Variants in GSAP observed in about 807,000 individuals in gnomAD.
The protein encoded by GSAP is gamma-secretase activating protein, also known as gamma-secretase-activating protein.
A neutral mutation model predicts 131.7 loss-of-function variants in GSAP; 118 were observed. The observed-to-expected ratio is 0.90, with a 90% confidence interval of 0.77 to 1.04. GSAP has a LOEUF of 1.04. Among genes scored for constraint, GSAP ranks in the 50% least tolerant of loss-of-function variants. GSAP has a pLI of 0.00. For missense variants in GSAP, 1,019 were observed against 1,013.2 expected (o/e 1.01, Z -0.08); for synonymous variants, 381 against 363.4 (o/e 1.05, Z -0.55).
intron 5 of GSAP, among the ~76,000 whole-genome samples, chr7:77,391,492 TCA>T (rs1350310307): frequency 6.6e-6 from 1 of 152,110 alleles, no homozygotes. Context: ...TCACAGCAAA[TCA>T]CCAAGCTTTC....
rs767681069 is a variant in GSAP, at chr7:77,321,397, G to A, written c.1930C>T (p.Leu644Phe). The stretch of plus-strand genomic sequence containing the variant: ...TTGGTTTCTACGATGTGGCAAATGA[G>A]ATCCAGCTGGAGGGTGAAGACAGTC... ...VLDYISKLLD[L>F]ICHIVETNWR... Residue 644 changes from leucine to phenylalanine, a missense_variant, in exon 25 of 31, where the codon CTC (leucine) becomes TTC (phenylalanine). By Grantham distance (22) the Leu-to-Phe change is conservative (BLOSUM62 0). Transcript: ENST00000257626. The A allele has an allele frequency of 6.2e-7, 1 of 1,600,322 alleles. No homozygotes were observed. The highest frequency in any genetic ancestry group is 2.2e-5 in the East Asian group (1 of 44,790).
intron 25 of GSAP, 61 bp downstream of exon 25, chr7:77,321,272 C>A: frequency 9.6e-7 from 1 of 1,040,206 alleles, no homozygotes; most frequent in Non-Finnish European, 1.5e-6. Context: ...AAGGGTTTTG[C>A]TACAACAGAG....
chr7:77,328,281 C>T (rs909891462), intron 22 of GSAP: 2 of 1,094,430 alleles, frequency 1.8e-6, no homozygotes, highest in Non-Finnish European at 2.2e-6. Flanking sequence ...GCAAGCAGCA[C>T]CAAGCCAAGG....
chr7:77,409,251 G>A (rs1362069401), intron 1 of GSAP, among the ~76,000 whole-genome samples: 2 of 152,150 alleles, frequency 1.3e-5, no homozygotes, highest in African/African-American at 2.4e-5. Flanking sequence ...GGAGGCCAAG[G>A]TGGGAGGATG....
intron 24 of GSAP, among the ~76,000 whole-genome samples, 188 bp from the exon 25 acceptor site, chr7:77,321,591 C>T (rs1787652670): frequency 6.6e-6 from 1 of 152,158 alleles, no homozygotes; most frequent in African/African-American, 2.4e-5. Context: ...TGAAAATGTG[C>T]ACCAGAAACT....
At chr7:77,391,125 CAA>C (rs3083869) in intron 5 of GSAP, among the ~76,000 whole-genome samples, 6,506 of 65,142 alleles carry the variant, frequency 0.1, 214 homozygotes, top group Non-Finnish European at 0.13. Flanking sequence ...GGCTCCGTCT[CAA>C]AAAAAAAAAA....
At chr7:77,328,153 C>T in intron 22 of GSAP, 1 of 942,088 alleles carries the variant, frequency 1.1e-6, no homozygotes, top group Non-Finnish European at 1.3e-6. Flanking sequence ...TCCCCCAGAA[C>T]CACACTGCTT....
At chr7:77,376,156 T>C (rs1451891948) in intron 10 of GSAP, among the ~76,000 whole-genome samples, 1 of 152,172 alleles carries the variant, frequency 6.6e-6, no homozygotes, top group East Asian at 1.9e-4. Flanking sequence ...CTTAAAGCTA[T>C]CTCTTACAGA....
intron 19 of GSAP, among the ~76,000 whole-genome samples, chr7:77,336,481 CTTTTTT>C (rs140795283): frequency 6.0e-5 from 9 of 151,260 alleles, no homozygotes; most frequent in African/African-American, 1.9e-4. Context: ...GCCTCAAGCT[CTTTTTT>C]TTTGTTTTTG....
In GSAP at chr7:77,416,191, C is replaced by G. The variant is rs1475322400; in HGVS notation, c.109+22G>C. The G allele has an allele frequency of 6.3e-6, 8 of 1,268,186 alleles. No individual in the cohort carries two copies. The African/African-American group carries it at 9.3e-5, about 15-fold the overall frequency. The allele number at this position is 1,268,186 out of a possible 1,614,324, so 78.6% of individuals were successfully genotyped here. A position where few individuals can be genotyped will look rare whatever the true frequency, so the allele number is the denominator to read the frequency against. ...ACTCCCACTCCCCGCCCCCACCCCT[C>G]TCCGCAGCGCGCCTCCCGCACCTGC... On this transcript the variant is annotated intron_variant, in intron 1 of 30. Transcript: ENST00000257626.
chr7:77,397,432 A>T lies in GSAP; in HGVS notation c.244-17T>A, dbSNP rs758244707. The stretch of plus-strand genomic sequence containing the variant: ...ATATAGAAGCTATTAAAACAAAAAT[A>T]TTTTTTAATTTGAAGTTTCATACAT... On this transcript the variant is annotated splice_polypyrimidine_tract_variant and intron_variant, in intron 3 of 30. Coordinates refer to ENST00000257626, the MANE Select transcript of GSAP (RefSeq NM_017439.4). 1 of 1,378,120 alleles carries T rather than the reference A, an allele frequency of 7.3e-7. No individual in the cohort carries two copies. Among genetic ancestry groups the T allele is most frequent in the Non-Finnish European group, 1.0e-6 (1 of 976,838 alleles). The allele number at this position is 1,378,120 out of a possible 1,614,324, so 85.4% of individuals were successfully genotyped here.
chr7:77,402,787 T>C (rs1801607376), intron 3 of GSAP, among the ~76,000 whole-genome samples: 2 of 151,766 alleles, frequency 1.3e-5, no homozygotes, highest in African/African-American at 2.4e-5. Context: ...GAAGAAAAAT[T>C]TGCCTGTTTA....
At chr7:77,401,825 C>T (rs916036818) in intron 3 of GSAP, among the ~76,000 whole-genome samples, 3 of 152,084 alleles carry the variant, frequency 2.0e-5, no homozygotes, top group African/African-American at 7.2e-5. Context: ...TAAAGAGACT[C>T]AAAAGGAGAT....
rs576588294 is a variant in GSAP, at chr7:77,393,988, G to C, written c.367+2994C>G. Among the ~76,000 whole-genome samples, 19 of 152,214 alleles carry C rather than the reference G, an allele frequency of 1.2e-4. No individual in the cohort carries two copies. In the South Asian group the frequency reaches 3.9e-3, roughly 32 times the overall value. On this transcript the variant is annotated intron_variant, in intron 5 of 30. Transcript: ENST00000257626. Reference sequence around the variant, plus strand: ...TGTGCCTGGCCAAGCAGCCAATCTTGACAAGTCGATCTTTTGAATACAGCC... The same window carrying C: ...TGTGCCTGGCCAAGCAGCCAATCTTCACAAGTCGATCTTTTGAATACAGCC...
At chr7:77,321,274 A>G in intron 25 of GSAP, 59 bp downstream of exon 25, 1 of 1,057,832 alleles carries the variant, frequency 9.5e-7, no homozygotes, top group Non-Finnish European at 1.5e-6. Flanking sequence ...GGGTTTTGCT[A>G]CAACAGAGTT....
Position 77,377,397 on chromosome 7 carries a change from A to T in GSAP, c.577-7T>A. The T allele has an allele frequency of 6.7e-7, 1 of 1,491,764 alleles. No homozygotes were observed. The highest frequency in any genetic ancestry group is 8.8e-7 in the Non-Finnish European group (1 of 1,134,852). The allele number at this position is 1,491,764 out of a possible 1,614,324, so 92.4% of individuals were successfully genotyped here. ...GGCCAGAATTTTTAATCACCTAAAA[A>T]TGCAAAAAAAAAAAAAAAAAAAAAA... On this transcript the variant is annotated splice_polypyrimidine_tract_variant and splice_region_variant and intron_variant, in intron 8 of 30. Transcript: ENST00000257626.
chr7:77,362,486 C>T (rs1252152755), intron 13 of GSAP, 97 bp downstream of exon 13: 3 of 677,514 alleles, frequency 4.4e-6, no homozygotes, highest in Non-Finnish European at 7.8e-6. Context: ...GACCCTGTCT[C>T]CAAAAAATTA....
chr7:77,352,174 T>A (rs539732209), intron 18 of GSAP, among the ~76,000 whole-genome samples: 1 of 152,358 alleles, frequency 6.6e-6, no homozygotes, highest in South Asian at 2.1e-4. Flanking sequence ...AAACATAAAG[T>A]GTCACCATTT....
chr7:77,400,869 G>T (rs1481860964), intron 3 of GSAP, among the ~76,000 whole-genome samples: 2 of 150,508 alleles, frequency 1.3e-5, no homozygotes, highest in African/African-American at 4.9e-5. Context: ...ACGAAAAAAA[G>T]TCTCAGCAAG....
Sources: gnomAD v4.1 joint callset for allele counts (sites outside exome capture counted in the v4.1 genomes callset) on GRCh38, gnomAD v4.1.1 for gene constraint, MANE v1.5 for transcripts, NCBI Gene and HGNC (gene_info 2026-07-23, HGNC 2026-07-21) for gene names.